VIRMA: variants seen among roughly 807,000 people sequenced by gnomAD.
VIRMA encodes protein virilizer homolog.
In VIRMA, 65 loss-of-function variants were observed where a neutral mutation model predicts 182.4. The observed-to-expected ratio is 0.36, with a 90% CI of 0.29 to 0.44. The LOEUF is 0.44. VIRMA is among the 20% of genes least tolerant of loss of function. The pLI is 1.00. For missense variants in VIRMA, 1,752 were observed against 2,158.1 expected, an observed-to-expected ratio of 0.81 and a Z score of 3.73; for synonymous variants, 709 against 743.1, an observed-to-expected ratio of 0.95 and a Z score of 0.75.
intron 3 of VIRMA, 45 bp from the exon 4 acceptor site, chr8:94,537,196 A>T: frequency 8.6e-7 from 1 of 1,162,326 alleles, no homozygotes; most frequent in Non-Finnish European, 1.3e-6. Context: ...AACACTGAAC[A>T]TCACAGTTCA....
intron 4 of VIRMA, 33 bp from the exon 5 acceptor site, chr8:94,535,040 A>G: frequency 6.4e-7 from 1 of 1,551,554 alleles, no homozygotes; most frequent in Non-Finnish European, 8.7e-7. Context: ...AAAATCTTTC[A>G]AAGTCATGTT....
At chr8:94,534,720 T>G in intron 5 of VIRMA, 119 bp downstream of exon 5, 1 of 1,083,920 alleles carries the variant, frequency 9.2e-7, no homozygotes, top group Non-Finnish European at 1.3e-6. Flanking sequence ...CCTCTCTTCC[T>G]CTCTCCCTCT....
chr8:94,527,238 T>C lies in VIRMA; in HGVS notation c.1006A>G (p.Met336Val), dbSNP rs773091210. ...TAEDLASVPP[M>V]TYDPYDRELV... Reference sequence around the variant, plus strand: ...TCCCTGTCATATGGATCATATGTCATAGGAGGAACTGAAGCTAAGTCTTCA... The same window carrying C: ...TCCCTGTCATATGGATCATATGTCACAGGAGGAACTGAAGCTAAGTCTTCA... Residue 336 changes from methionine to valine, a missense_variant, in exon 8 of 24, where the codon ATG becomes GTG. Physicochemically the swap from Met to Val is conservative, Grantham distance 21. Coordinates refer to ENST00000297591, the MANE Select transcript of VIRMA (RefSeq NM_015496.5). The C allele has an allele frequency of 3.7e-6, 6 of 1,613,904 alleles. No homozygotes were observed. The highest frequency in any genetic ancestry group is 2.2e-5 in the South Asian group (2 of 91,078).
chr8:94,538,233 TG>T, intron 3 of VIRMA, 26 bp downstream of exon 3: 1 of 1,452,162 alleles, frequency 6.9e-7, no homozygotes. Context: ...CATGAGTTTC[TG>T]GTGAAATTAC....
rs887437111 is a variant in VIRMA at position 94,499,942 on chromosome 8, G to A, written c.4098-436C>T. Among the ~76,000 whole-genome samples the A allele has an allele frequency of 1.1e-4, 16 of 151,648 alleles. No homozygotes were observed. In the South Asian group the frequency reaches 1.9e-3, roughly 18 times the overall value. On this transcript the variant is annotated intron_variant, in intron 16 of 23. Coordinates refer to ENST00000297591, the MANE Select transcript of VIRMA (RefSeq NM_015496.5). ...CACACACCTGCAATCCCAGCTACTCGGGAGGAGGTGAGGCAGAAGAATCAC... is the reference window on the plus strand; with the variant it reads ...CACACACCTGCAATCCCAGCTACTCAGGAGGAGGTGAGGCAGAAGAATCAC...
chr8:94,532,244 C>T (rs1203025156), intron 5 of VIRMA, among the ~76,000 whole-genome samples: 2 of 152,174 alleles, frequency 1.3e-5, no homozygotes, highest in African/African-American at 2.4e-5. Flanking sequence ...GTAGCTGGGA[C>T]TACAGGCATG....
chr8:94,488,789 T>C lies in VIRMA; in HGVS notation c.5356A>G (p.Asn1786Asp), dbSNP rs1438452630. 4.3e-6 allele frequency: 7 copies of C among 1,614,208 alleles called. No individual in the cohort carries two copies. In the East Asian group the frequency reaches 1.3e-4, roughly 31 times the overall value. ...CCTCTTGAGCCTCCACTGCCGCTAT[T>C]TGCACTAGCCCAGGAAGGTCCAAGT... ...GGLGPSWASANSGSGGSRGKF... is the reference protein window; with the variant it reads ...GGLGPSWASADSGSGGSRGKF... Residue 1786 changes from asparagine to aspartate, a missense_variant, in exon 24 of 24, where the codon AAT (asparagine) becomes GAT (aspartate). Asn to Asp is a conservative substitution (Grantham distance 23, BLOSUM62 1). Transcript: ENST00000297591.
intron 20 of VIRMA, 90 bp from the exon 21 acceptor site, chr8:94,492,908 T>C (rs898629118): frequency 2.9e-6 from 3 of 1,037,200 alleles, no homozygotes; most frequent in African/African-American, 3.2e-5. Context: ...CTATAAATTA[T>C]ATTTGCCTCT....
At chr8:94,541,209 A>C (rs1276114226) in intron 2 of VIRMA, among the ~76,000 whole-genome samples, 1 of 151,356 alleles carries the variant, frequency 6.6e-6, no homozygotes, top group East Asian at 2.0e-4. Flanking sequence ...GCAACTCTTA[A>C]CTCCTGGGTT....
intron 1 of VIRMA, among the ~76,000 whole-genome samples, chr8:94,545,584 T>C (rs1273437575): frequency 6.6e-6 from 1 of 152,208 alleles, no homozygotes; most frequent in African/African-American, 2.4e-5. Flanking sequence ...AGACATAATC[T>C]CTGCCATTAT....
chr8:94,490,659 C>T (rs1204226098), intron 22 of VIRMA, among the ~76,000 whole-genome samples: 1 of 151,390 alleles, frequency 6.6e-6, no homozygotes, highest in African/African-American at 2.4e-5. Flanking sequence ...CCAGCCCGGC[C>T]AACATGGTGA....
chr8:94,541,324 T>G (rs1484618099), intron 2 of VIRMA, among the ~76,000 whole-genome samples: 1 of 151,968 alleles, frequency 6.6e-6, no homozygotes, highest in Non-Finnish European at 1.5e-5. Context: ...GTCTCCAAAC[T>G]CTTGGTCTCA....
chr8:94,520,614 C>T (rs183422549), intron 8 of VIRMA, among the ~76,000 whole-genome samples: 3 of 152,248 alleles, frequency 2.0e-5, no homozygotes, highest in Non-Finnish European at 2.9e-5. Flanking sequence ...TTATATTGTA[C>T]TATGTATTAT....
chr8:94,516,942 G>A (rs949736211), intron 10 of VIRMA, among the ~76,000 whole-genome samples: 9 of 152,138 alleles, frequency 5.9e-5, no homozygotes, highest in African/African-American at 1.9e-4. Context: ...GTCAGAAAAC[G>A]AGGAACCAAA....
At chr8:94,521,754 C>T (rs1814778687) in intron 8 of VIRMA, among the ~76,000 whole-genome samples, 1 of 152,150 alleles carries the variant, frequency 6.6e-6, no homozygotes. Context: ...TATTTAAACC[C>T]AGGCTTCTAC....
chr8:94,508,699 C>CA lies in VIRMA; in HGVS notation c.3879+988dup, dbSNP rs111721426. On this transcript the variant is annotated intron_variant, in intron 15 of 23. Coordinates refer to ENST00000297591, the MANE Select transcript of VIRMA (RefSeq NM_015496.5). ...CCCTTCTTTGTGAAAACAAGTCATA[C>CA]AAAAAAAAAAAAAAGTTCTTTCTTG... 7.9e-3 allele frequency among the ~76,000 whole-genome samples: 996 copies of CA among 125,754 alleles called. 7 individuals are homozygous for CA. The highest frequency in any genetic ancestry group is 0.023 in the African/African-American group (796 of 34,748). 82.5% of individuals were successfully genotyped at this position (125,754 alleles called of 152,430 possible). A position where few individuals can be genotyped will look rare whatever the true frequency, so the allele number is the denominator to read the frequency against.
chr8:94,521,044 T>TC (rs201884534), intron 8 of VIRMA, among the ~76,000 whole-genome samples: 5 of 7,836 alleles, frequency 6.4e-4, no homozygotes, highest in East Asian at 0.019. Context: ...TTTTATCTCT[T>TC]TTTTTTTTTT....
rs776607972 is a variant in VIRMA at position 94,553,461 on chromosome 8, G to A, written c.-14C>T. 6.2e-7 allele frequency: 1 copy of A among 1,613,454 alleles called. No individual in the cohort carries two copies. ...GTCCACCGCCATGTTTGCCGCGGGC[G>A]GGGAACAGGGGGGAGGACTTCCGGG... is the stretch of plus-strand genomic sequence containing the variant. On this transcript the variant is annotated 5_prime_UTR_variant, in exon 1 of 24. Transcript: ENST00000297591.
chr8:94,500,248 A>C (rs1305248184), intron 16 of VIRMA, among the ~76,000 whole-genome samples: 1 of 151,896 alleles, frequency 6.6e-6, no homozygotes, highest in African/African-American at 2.4e-5. Context: ...AAATATAAAA[A>C]ATTTGCCAGG....
Sources: gnomAD v4.1 joint callset for allele counts (sites outside exome capture counted in the v4.1 genomes callset) on GRCh38, gnomAD v4.1.1 for gene constraint, MANE v1.5 for transcripts, NCBI Gene and HGNC (gene_info 2026-07-23, HGNC 2026-07-21) for gene names.